PHLDB2: variants seen among roughly 807,000 people sequenced by gnomAD.
The protein encoded by PHLDB2 is pleckstrin homology like domain family B member 2.
A neutral mutation model predicts 123.6 loss-of-function variants in PHLDB2; 71 were observed. That is an observed-to-expected ratio of 0.57 (90% CI 0.47 to 0.70). The LOEUF (loss-of-function observed/expected upper bound fraction) is 0.70. Ranked by LOEUF, PHLDB2 falls within the 30% of genes least tolerant of loss-of-function variation. The pLI, the probability that PHLDB2 is intolerant of heterozygous loss-of-function variation, is 0.00. For missense variants in PHLDB2, 1,446 were observed against 1,519.5 expected (o/e 0.95, Z 0.80); for synonymous variants, 547 against 541.6 (o/e 1.01, Z -0.14).
intron 1 of PHLDB2, among the ~76,000 whole-genome samples, chr3:111,818,332 T>TATCTAAACTCAGC (rs1463658120): frequency 6.6e-6 from 1 of 152,148 alleles, no homozygotes; most frequent in Non-Finnish European, 1.5e-5. Context: ...TGGTACAACC[T>TATCTAAACTCAGC]ATCTAAACTC....
At chr3:111,788,495 A>G (rs2060784016) in intron 1 of PHLDB2, among the ~76,000 whole-genome samples, 1 of 152,208 alleles carries the variant, frequency 6.6e-6, no homozygotes, top group Non-Finnish European at 1.5e-5. Flanking sequence ...TCCCTAAATG[A>G]AAAGAAGATC....
At chr3:111,937,620 A>G (rs2107590830) in intron 6 of PHLDB2, among the ~76,000 whole-genome samples, 1 of 152,190 alleles carries the variant, frequency 6.6e-6, no homozygotes, top group East Asian at 1.9e-4. Context: ...ACAAAAAAGT[A>G]CAAAAATTAG....
intron 1 of PHLDB2, among the ~76,000 whole-genome samples, chr3:111,862,023 G>A (rs985447621): frequency 1.3e-5 from 2 of 152,070 alleles, no homozygotes; most frequent in African/African-American, 4.8e-5. Context: ...TCTATTTTTA[G>A]TAGTGACAGG....
At chr3:111,913,782 A>T in intron 3 of PHLDB2, 80 bp downstream of exon 3, 1 of 1,413,326 alleles carries the variant, frequency 7.1e-7, no homozygotes, top group Non-Finnish European at 9.5e-7. Context: ...TGATGATTTT[A>T]TCATGCTAAT....
intron 5 of PHLDB2, among the ~76,000 whole-genome samples, chr3:111,928,803 A>G (rs963723748): frequency 1.3e-5 from 2 of 152,232 alleles, no homozygotes; most frequent in Admixed American, 1.3e-4. Context: ...TTGCTCGTAC[A>G]TCAAGAGAAG....
At chr3:111,849,885 G>A (rs1158106282) in intron 2 of PHLDB2, among the ~76,000 whole-genome samples, 1 of 151,130 alleles carries the variant, frequency 6.6e-6, no homozygotes, top group Non-Finnish European at 1.5e-5. Context: ...TTTTTGGGAC[G>A]GAGTCTCGCT....
chr3:111,756,845 TG>T (rs1238644441), intron 1 of PHLDB2, among the ~76,000 whole-genome samples: 2 of 152,140 alleles, frequency 1.3e-5, no homozygotes, highest in Non-Finnish European at 2.9e-5. Context: ...GCAGGCCTGG[TG>T]GTGACAAAAT....
At chr3:111,966,538 G>T in intron 13 of PHLDB2, 75 bp from the exon 14 acceptor site, 1 of 864,308 alleles carries the variant, frequency 1.2e-6, no homozygotes, top group Non-Finnish European at 1.9e-6. Flanking sequence ...GTGTGTGTGT[G>T]TGTGTGTGTG....
At chr3:111,904,787 G>A (rs2107465366) in intron 2 of PHLDB2, among the ~76,000 whole-genome samples, 1 of 152,266 alleles carries the variant, frequency 6.6e-6, no homozygotes, top group South Asian at 2.1e-4. Flanking sequence ...TGGGAACAAG[G>A]TGCAGTGGTG....
intron 1 of PHLDB2, among the ~76,000 whole-genome samples, chr3:111,752,454 T>G (rs1008206043): frequency 6.6e-6 from 1 of 152,094 alleles, no homozygotes; most frequent in African/African-American, 2.4e-5. Flanking sequence ...TTTTAGTACA[T>G]GTAGTTTAAA....
upstream of PHLDB2, among the ~76,000 whole-genome samples, chr3:111,855,351 A>C (rs1310468403): frequency 6.6e-6 from 1 of 152,024 alleles, no homozygotes; most frequent in Non-Finnish European, 1.5e-5. Context: ...ATTAAACAGA[A>C]AACTTTATTA....
At chr3:111,912,352 A>G (rs1415940096) in intron 2 of PHLDB2, among the ~76,000 whole-genome samples, 1 of 152,214 alleles carries the variant, frequency 6.6e-6, no homozygotes, top group African/African-American at 2.4e-5. Flanking sequence ...TCTTATAGAT[A>G]TCAATGGCCT....
intron 1 of PHLDB2, among the ~76,000 whole-genome samples, chr3:111,823,574 C>G (rs2062508679): frequency 6.6e-6 from 1 of 152,184 alleles, no homozygotes; most frequent in Non-Finnish European, 1.5e-5. Context: ...CCTTAGGTTT[C>G]TACACTGACC....
intron 1 of PHLDB2, among the ~76,000 whole-genome samples, chr3:111,775,122 T>C (rs2108062670): frequency 6.6e-6 from 1 of 152,320 alleles, no homozygotes; most frequent in South Asian, 2.1e-4. Context: ...AGCACTTCTC[T>C]TGTGGCTCTA....
intron 13 of PHLDB2, among the ~76,000 whole-genome samples, chr3:111,964,506 A>ATTT (rs529646565): frequency 0.14 from 19,560 of 143,442 alleles, 1,364 homozygotes; most frequent in African/African-American, 0.15. Context: ...CACCTGGCTA[A>ATTT]TTTTTTTTTT....
intron 1 of PHLDB2, among the ~76,000 whole-genome samples, chr3:111,875,723 T>C (rs2065579556): frequency 6.7e-6 from 1 of 150,334 alleles, no homozygotes; most frequent in Admixed American, 6.7e-5. Flanking sequence ...CTGGGGAGGC[T>C]GAGGCAGGAG....
intron 2 of PHLDB2, among the ~76,000 whole-genome samples, chr3:111,900,237 G>T (rs1260152162): frequency 6.6e-6 from 1 of 152,172 alleles, no homozygotes; most frequent in African/African-American, 2.4e-5. Flanking sequence ...TCATTTGTGC[G>T]TGAAGAATCA....
chr3:111,779,971 A>T, intron 1 of PHLDB2: 6 of 648,164 alleles, frequency 9.3e-6, no homozygotes, highest in Non-Finnish European at 1.1e-5. Context: ...AGGAGAGTCG[A>T]GGACTCTGAC....
intron 1 of PHLDB2, among the ~76,000 whole-genome samples, chr3:111,832,793 T>C (rs1576799233): frequency 2.9e-5 from 1 of 33,926 alleles, no homozygotes; most frequent in African/African-American, 2.0e-4. Context: ...ATACATATAA[T>C]ATATATAATA....
Sources: gnomAD v4.1 joint callset for allele counts (sites outside exome capture counted in the v4.1 genomes callset) on GRCh38, gnomAD v4.1.1 for gene constraint, MANE v1.5 for transcripts, NCBI Gene and HGNC (gene_info 2026-07-23, HGNC 2026-07-21) for gene names.